Variants in SLC24A3 observed in about 807,000 individuals in gnomAD.
SLC24A3 encodes the protein solute carrier family 24 member 3.
SLC24A3 carries 28 observed loss-of-function variants against 75.8 expected under a neutral mutation model. That is an observed-to-expected ratio of 0.37 (90% CI 0.27 to 0.51). The LOEUF (loss-of-function observed/expected upper bound fraction) is 0.51, where lower values mean the gene tolerates loss of function less well. Among genes scored for constraint, SLC24A3 ranks in the 20% least tolerant of loss-of-function variants. The pLI, the probability that SLC24A3 is intolerant of heterozygous loss-of-function variation, is 0.94. For missense variants in SLC24A3, 663 were observed against 847.8 expected (o/e 0.78, Z 2.71); for synonymous variants, 372 against 334.1 (o/e 1.11, Z -1.24).
chr20:19,583,432 G>A (rs1382486738), intron 4 of SLC24A3, among the ~76,000 whole-genome samples: 2 of 152,162 alleles, frequency 1.3e-5, no homozygotes, highest in Non-Finnish European at 2.9e-5. Flanking sequence ...ATTATTCCAA[G>A]CTCTGGAGGG....
intron 2 of SLC24A3, among the ~76,000 whole-genome samples, chr20:19,399,554 A>T (rs58159979): frequency 6.6e-6 from 1 of 152,196 alleles, no homozygotes; most frequent in Non-Finnish European, 1.5e-5. Context: ...AGATTTTTCA[A>T]TTATCCCTTT....
At chr20:19,544,235 A>T (rs1051103392) in intron 3 of SLC24A3, among the ~76,000 whole-genome samples, 9 of 152,202 alleles carry the variant, frequency 5.9e-5, no homozygotes, top group African/African-American at 2.2e-4. Flanking sequence ...CTCTAAAAGC[A>T]ATTCCAAAGA....
intron 2 of SLC24A3, among the ~76,000 whole-genome samples, chr20:19,321,235 C>T (rs1473594110): frequency 6.6e-6 from 1 of 152,182 alleles, no homozygotes; most frequent in Non-Finnish European, 1.5e-5. Flanking sequence ...CTCATAACCA[C>T]AGTGTCATTA....
intron 2 of SLC24A3, among the ~76,000 whole-genome samples, chr20:19,500,222 T>C (rs1473716460): frequency 6.6e-6 from 1 of 152,162 alleles, no homozygotes; most frequent in Non-Finnish European, 1.5e-5. Flanking sequence ...AGCCACTCGA[T>C]TTGCTTCTGT....
chr20:19,721,171 T>C lies in SLC24A3; in HGVS notation c.*31T>C. 2 of 1,612,844 alleles carry C rather than the reference T, an allele frequency of 1.2e-6. No individual in the cohort carries two copies. The highest frequency in any genetic ancestry group is 4.5e-5 in the East Asian group (2 of 44,862). ...CGGGTGCCCACAGAGGCTCAGCTCCTTCTTTTCTGTGCAATACGAGACCCG... is the reference window on the plus strand; with the variant it reads ...CGGGTGCCCACAGAGGCTCAGCTCCCTCTTTTCTGTGCAATACGAGACCCG... On this transcript the variant is annotated 3_prime_UTR_variant, in exon 17 of 17. Transcript: ENST00000328041.
intron 1 of SLC24A3, among the ~76,000 whole-genome samples, chr20:19,245,866 C>A (rs887542545): frequency 1.3e-5 from 2 of 151,818 alleles, no homozygotes; most frequent in Non-Finnish European, 1.5e-5. Context: ...GAAGAAACAA[C>A]AAATTTTTTA....
intron 6 of SLC24A3, among the ~76,000 whole-genome samples, chr20:19,601,944 G>A (rs1410504570): frequency 2.6e-5 from 4 of 152,118 alleles, no homozygotes; most frequent in Admixed American, 6.5e-5. Context: ...AGGCTGAGGC[G>A]GACGGATCAC....
chr20:19,460,371 C>T (rs1987648995), intron 2 of SLC24A3, among the ~76,000 whole-genome samples: 1 of 152,158 alleles, frequency 6.6e-6, no homozygotes, highest in Non-Finnish European at 1.5e-5. Flanking sequence ...TTCCTGCTCC[C>T]TGAGCCATCT....
At chr20:19,406,167 G>A (rs1032253371) in intron 2 of SLC24A3, among the ~76,000 whole-genome samples, 11 of 151,458 alleles carry the variant, frequency 7.3e-5, no homozygotes, top group African/African-American at 2.7e-4. Context: ...AGAACATTTA[G>A]TGCTTTTAAA....
At chr20:19,666,387 T>C (rs2032399958) in intron 8 of SLC24A3, among the ~76,000 whole-genome samples, 1 of 151,954 alleles carries the variant, frequency 6.6e-6, no homozygotes, top group Non-Finnish European at 1.5e-5. Context: ...GCACCTGTAG[T>C]CCCAGCTACT....
At chr20:19,391,275 A>G in intron 2 of SLC24A3, among the ~76,000 whole-genome samples, 1 of 152,198 alleles carries the variant, frequency 6.6e-6, no homozygotes, top group Non-Finnish European at 1.5e-5. Flanking sequence ...GCCATAGTGA[A>G]CCACCAGTAG....
intron 1 of SLC24A3, among the ~76,000 whole-genome samples, chr20:19,241,229 G>GGGAGGTGTGC (rs1317332447): frequency 5.3e-5 from 8 of 152,360 alleles, no homozygotes; most frequent in African/African-American, 1.9e-4. Context: ...CAGAGGTGTG[G>GGGAGGTGTGC]GGAGGTGTGC....
intron 2 of SLC24A3, among the ~76,000 whole-genome samples, chr20:19,317,753 G>C (rs751765306): frequency 6.6e-6 from 1 of 152,134 alleles, no homozygotes; most frequent in Non-Finnish European, 1.5e-5. Context: ...TGCTTGTCTG[G>C]GTGGATAAGC....
chr20:19,344,489 C>T (rs534863383), intron 2 of SLC24A3, among the ~76,000 whole-genome samples: 15 of 152,236 alleles, frequency 9.9e-5, no homozygotes, highest in Admixed American at 7.2e-4. Context: ...TTGCAAGAGG[C>T]ACTGGTAGCA....
intron 2 of SLC24A3, among the ~76,000 whole-genome samples, chr20:19,303,279 TGTTA>T (rs1272743557): frequency 1.2e-4 from 18 of 152,272 alleles, no homozygotes; most frequent in Admixed American, 5.9e-4. Flanking sequence ...TCTGTCCCTG[TGTTA>T]GTTTGCTTTG....
At chr20:19,221,732 C>T (rs1022731330) in intron 1 of SLC24A3, among the ~76,000 whole-genome samples, 19 of 152,138 alleles carry the variant, frequency 1.2e-4, no homozygotes, top group African/African-American at 1.7e-4. Flanking sequence ...AAGCCTGTAT[C>T]CACCCCCCGC....
At chr20:19,655,816 C>T (rs973900767) in intron 7 of SLC24A3, among the ~76,000 whole-genome samples, 2 of 152,150 alleles carry the variant, frequency 1.3e-5, no homozygotes, top group African/African-American at 4.8e-5. Flanking sequence ...CTTAAACTTG[C>T]ACCACACCAC....
chr20:19,245,786 A>G (rs1341759156), intron 1 of SLC24A3, among the ~76,000 whole-genome samples: 1 of 152,160 alleles, frequency 6.6e-6, no homozygotes, highest in Non-Finnish European at 1.5e-5. Flanking sequence ...AACAATTTAA[A>G]ACTTCTAAAC....
At chr20:19,663,751 T>G (rs1300362832) in intron 7 of SLC24A3, among the ~76,000 whole-genome samples, 1 of 152,024 alleles carries the variant, frequency 6.6e-6, no homozygotes, top group Non-Finnish European at 1.5e-5. Context: ...TTGTCCAATC[T>G]CACCCGGATT....
Sources: gnomAD v4.1 joint callset for allele counts (sites outside exome capture counted in the v4.1 genomes callset) on GRCh38, gnomAD v4.1.1 for gene constraint, MANE v1.5 for transcripts, NCBI Gene and HGNC (gene_info 2026-07-23, HGNC 2026-07-21) for gene names.